Variants in SLC4A4 observed in about 807,000 individuals in gnomAD.
SLC4A4 encodes electrogenic sodium bicarbonate cotransporter 1.
SLC4A4 carries 27 observed loss-of-function variants against 111.5 expected under a neutral mutation model. The observed-to-expected ratio is 0.24, with a 90% confidence interval of 0.18 to 0.33. The LOEUF (loss-of-function observed/expected upper bound fraction) is 0.33, where lower values mean the gene tolerates loss of function less well. Among genes scored for constraint, SLC4A4 ranks in the 10% least tolerant of loss-of-function variants. The pLI is 1.00. For missense variants in SLC4A4, 909 were observed against 1,315.5 expected (o/e 0.69, Z 4.78); for synonymous variants, 443 against 463.4 (o/e 0.96, Z 0.57).
At chr4:71,311,692 G>A (rs553767759) in intron 3 of SLC4A4, among the ~76,000 whole-genome samples, 4 of 152,320 alleles carry the variant, frequency 2.6e-5, no homozygotes, top group Admixed American at 6.5e-5. Context: ...GCAGTGTTTA[G>A]AGGGAAATTT....
intron 1 of SLC4A4, among the ~76,000 whole-genome samples, chr4:71,082,865 T>G (rs543538498): frequency 8.6e-5 from 13 of 151,866 alleles, no homozygotes; most frequent in East Asian, 3.9e-4. Context: ...TTTTTTTTTT[T>G]TTGTTGGAGA....
intron 13 of SLC4A4, among the ~76,000 whole-genome samples, chr4:71,472,242 C>A (rs72853222): frequency 3.3e-5 from 5 of 151,690 alleles, no homozygotes; most frequent in African/African-American, 1.2e-4. Context: ...TTTTATAGTG[C>A]GATTACATTT....
intron 3 of SLC4A4, among the ~76,000 whole-genome samples, chr4:71,323,210 G>A (rs1727253355): frequency 6.6e-6 from 1 of 151,824 alleles, no homozygotes; most frequent in Admixed American, 6.6e-5. Flanking sequence ...AGAAAATTTA[G>A]AACTTGCACA....
At chr4:71,230,513 G>A (rs190553411) in intron 1 of SLC4A4, among the ~76,000 whole-genome samples, 133 of 152,274 alleles carry the variant, frequency 8.7e-4, no homozygotes, top group Non-Finnish European at 1.5e-3. Context: ...GGGGTTCACC[G>A]GATGTCATAA....
chr4:71,126,293 T>A (rs1237440592), intron 2 of SLC4A4, among the ~76,000 whole-genome samples: 4 of 152,202 alleles, frequency 2.6e-5, no homozygotes, highest in African/African-American at 9.6e-5. Context: ...ATTTAAAAAT[T>A]GCTGTTATTT....
intron 3 of SLC4A4, among the ~76,000 whole-genome samples, chr4:71,336,504 A>G (rs1381022932): frequency 6.6e-6 from 1 of 152,220 alleles, no homozygotes; most frequent in African/African-American, 2.4e-5. Context: ...AAATTGTTTC[A>G]TTGTACAGTC....
At chr4:71,373,995 C>T (rs528536307) in intron 6 of SLC4A4, among the ~76,000 whole-genome samples, 10 of 152,244 alleles carry the variant, frequency 6.6e-5, no homozygotes, top group African/African-American at 7.2e-5. Flanking sequence ...TCCCATCATA[C>T]GTGTTGTGAC....
chr4:71,399,837 A>T (rs1226026626), intron 7 of SLC4A4, among the ~76,000 whole-genome samples: 1 of 151,882 alleles, frequency 6.6e-6, no homozygotes, highest in Non-Finnish European at 1.5e-5. Flanking sequence ...TAAATTCTTG[A>T]CTCCTTCAGT....
chr4:71,399,378 T>C (rs1341641465), intron 7 of SLC4A4, among the ~76,000 whole-genome samples: 2 of 152,062 alleles, frequency 1.3e-5, no homozygotes, highest in African/African-American at 4.8e-5. Flanking sequence ...TTATAGGCCT[T>C]GGTGAATTCT....
At chr4:71,512,517 A>G (rs1156257068) in intron 16 of SLC4A4, among the ~76,000 whole-genome samples, 1 of 152,052 alleles carries the variant, frequency 6.6e-6, no homozygotes, top group Non-Finnish European at 1.5e-5. Context: ...TGAGTTAAGT[A>G]CCTTGTATAT....
chr4:71,175,207 G>T (rs1306171250), intron 2 of SLC4A4, among the ~76,000 whole-genome samples: 2 of 152,202 alleles, frequency 1.3e-5, no homozygotes, highest in South Asian at 2.1e-4. Context: ...TTTAAAAAGT[G>T]GGGGTGGAGC....
At chr4:71,337,979 G>A (rs916239404) in intron 3 of SLC4A4, among the ~76,000 whole-genome samples, 6 of 151,894 alleles carry the variant, frequency 4.0e-5, no homozygotes, top group South Asian at 2.1e-4. Flanking sequence ...ACAGGCACAC[G>A]CCACCACGCC....
At chr4:71,534,155 CG>C in intron 17 of SLC4A4, 71 bp from the exon 18 acceptor site, 1 of 1,253,524 alleles carries the variant, frequency 8.0e-7, no homozygotes. Flanking sequence ...CATGTCTTCC[CG>C]TTGGTTTTTT....
intron 14 of SLC4A4, among the ~76,000 whole-genome samples, chr4:71,486,685 C>A (rs1467608136): frequency 6.8e-6 from 1 of 148,128 alleles, no homozygotes; most frequent in Admixed American, 6.7e-5. Context: ...TTTTTTGAAA[C>A]CTGAAACAAA....
intron 2 of SLC4A4, among the ~76,000 whole-genome samples, chr4:71,172,336 A>G (rs1404321514): frequency 6.6e-6 from 1 of 151,666 alleles, no homozygotes; most frequent in Non-Finnish European, 1.5e-5. Flanking sequence ...GCTCACTGCA[A>G]CCTCTGCCTC....
chr4:71,074,706 A>T (rs982682488), intron 1 of SLC4A4, among the ~76,000 whole-genome samples: 1 of 151,916 alleles, frequency 6.6e-6, no homozygotes, highest in Admixed American at 6.6e-5. Context: ...GCAAGCAAAA[A>T]GAAAAATGAA....
intron 3 of SLC4A4, among the ~76,000 whole-genome samples, chr4:71,304,158 A>G (rs1232449316): frequency 3.9e-5 from 6 of 152,242 alleles, no homozygotes; most frequent in African/African-American, 1.4e-4. Flanking sequence ...CCAGAGAAAC[A>G]GAACCAAGAG....
chr4:71,331,113 A>G (rs1309290849), intron 3 of SLC4A4, among the ~76,000 whole-genome samples: 1 of 152,142 alleles, frequency 6.6e-6, no homozygotes, highest in African/African-American at 2.4e-5. Flanking sequence ...AGAAATAGGA[A>G]CACTTTTACA....
intron 6 of SLC4A4, among the ~76,000 whole-genome samples, chr4:71,359,841 C>G (rs901031094): frequency 6.6e-6 from 1 of 152,128 alleles, no homozygotes; most frequent in African/African-American, 2.4e-5. Flanking sequence ...ATACCTTTGT[C>G]TTTAATCATA....
Sources: allele counts gnomAD v4.1 joint callset (sites outside exome capture counted in the v4.1 genomes callset), GRCh38; gene constraint gnomAD v4.1.1; transcripts MANE v1.5; gene names NCBI Gene and HGNC (gene_info 2026-07-23, HGNC 2026-07-21).